Variants in SLAIN1 observed in about 807,000 individuals in gnomAD.
SLAIN1 encodes the protein SLAIN motif-containing protein 1.
Under a neutral mutation model 55.4 loss-of-function variants are expected in SLAIN1, and 17 were observed. The observed-to-expected ratio is 0.31, with a 90% CI of 0.21 to 0.46. The LOEUF (loss-of-function observed/expected upper bound fraction) is 0.46, where lower values mean the gene tolerates loss of function less well. Ranked by LOEUF, SLAIN1 falls within the 20% of genes least tolerant of loss-of-function variation. SLAIN1 has a pLI of 1.00. For synonymous variants in SLAIN1, 348 were observed against 337.4 expected, an observed-to-expected ratio of 1.03 and a Z score of -0.35; for missense variants, 682 against 785.1, an observed-to-expected ratio of 0.87 and a Z score of 1.57.
chr13:77,710,652 A>G (rs896431220), intron 1 of SLAIN1, among the ~76,000 whole-genome samples: 11 of 152,174 alleles, frequency 7.2e-5, no homozygotes. Context: ...GGGAGACTCT[A>G]ACACCCCACT....
chr13:77,756,706 A>G (rs1357100253), intron 5 of SLAIN1, among the ~76,000 whole-genome samples: 3 of 152,164 alleles, frequency 2.0e-5, no homozygotes, highest in Non-Finnish European at 4.4e-5. Context: ...TCACATTTAT[A>G]CAATGGAATA....
chr13:77,744,436 T>C lies in SLAIN1; in HGVS notation c.916+4T>C, dbSNP rs369300141. ...ATGGCTCGTCTGCAAGAAGAAAGTA[T>C]GTGTTCTTTCTAAACTAGCAAAATG... On this transcript the variant is annotated splice_donor_region_variant and intron_variant, in intron 3 of 6. Transcript: ENST00000418532. 45 of 1,610,174 alleles carry C rather than the reference T, an allele frequency of 2.8e-5. No homozygotes were observed. Among genetic ancestry groups the C allele is most frequent in the Non-Finnish European group, 3.6e-5 (42 of 1,179,218 alleles).
At chr13:77,717,329 ATAGGATGTAT>A (rs2091217517) in intron 1 of SLAIN1, among the ~76,000 whole-genome samples, 4 of 152,094 alleles carry the variant, frequency 2.6e-5, no homozygotes, top group African/African-American at 7.2e-5. Context: ...CACTGCCCTA[ATAGGATGTAT>A]TAGGATGTAT....
Position 77,697,907 on chromosome 13 carries a change from G to C in SLAIN1, c.-7G>C. 1 of 1,389,646 alleles carries C rather than the reference G, an allele frequency of 7.2e-7. No homozygotes were observed. The highest frequency in any genetic ancestry group is 2.7e-4 in the Middle Eastern group (1 of 3,704). 86.1% of individuals were successfully genotyped at this position (1,389,646 alleles called of 1,614,324 possible). On this transcript the variant is annotated 5_prime_UTR_variant, in exon 1 of 7. Coordinates refer to ENST00000418532, the MANE Select transcript of SLAIN1 (RefSeq NM_001242868.2). ...CCCCGGCGGCCGCGGCGCCCTCGGG[G>C]CCCACGATGATGGCGGAGCAGGTGA... is the stretch of plus-strand genomic sequence containing the variant.
In SLAIN1 at chr13:77,698,680, A is replaced by G. The variant is rs1450878825; in HGVS notation, c.626+141A>G. 2 of 1,250,882 alleles carry G rather than the reference A, an allele frequency of 1.6e-6. No individual in the cohort carries two copies. The highest frequency in any genetic ancestry group is 2.1e-6 in the Non-Finnish European group (2 of 970,078). The allele number at this position is 1,250,882 out of a possible 1,614,324, so 77.5% of individuals were successfully genotyped here. Reference sequence around the variant, plus strand: ...CGGCTCCCGGAGGGGCCGACCCAGCAGGTGTTGAGCCAGGCGGTGACACTT... The same window carrying G: ...CGGCTCCCGGAGGGGCCGACCCAGCGGGTGTTGAGCCAGGCGGTGACACTT... On this transcript the variant is annotated intron_variant, in intron 1 of 6. Transcript: ENST00000418532. This position sits in a 1 kb window ranked among gnomAD's most constrained non-coding sequence, Gnocchi z 4.1.
rs2154411192 is a variant in SLAIN1, at chr13:77,763,060, T to A, written c.1698-85T>A. ...TTCTCATTACTGCAGTGGAAGAACA[T>A]AGATGGGAGAGTAGGTCAAAGTGAG... is the stretch of plus-strand genomic sequence containing the variant. On this transcript the variant is annotated intron_variant, in intron 6 of 6. Coordinates refer to ENST00000418532, the MANE Select transcript of SLAIN1 (RefSeq NM_001242868.2). The A allele has an allele frequency of 1.8e-5, 21 of 1,148,708 alleles. 1 individual carries two copies. The highest frequency in any genetic ancestry group is 4.3e-4 in the Middle Eastern group (2 of 4,630). 71.2% of individuals were successfully genotyped at this position (1,148,708 alleles called of 1,614,324 possible).
chr13:77,698,763 G>A lies in SLAIN1; in HGVS notation c.626+224G>A, dbSNP rs1166116380. 1.7e-6 allele frequency: 2 copies of A among 1,164,688 alleles called. No homozygotes were observed. The highest frequency in any genetic ancestry group is 2.3e-6 in the Non-Finnish European group (2 of 863,514). The allele number at this position is 1,164,688 out of a possible 1,614,324, so 72.1% of individuals were successfully genotyped here. A position where few individuals can be genotyped will look rare whatever the true frequency, so the allele number is the denominator to read the frequency against. ...CTGTTTTCTAATCGCTCCGACTGCG[G>A]ATGAACCGGCCCCCCCTTCCCCCCA... On this transcript the variant is annotated intron_variant, in intron 1 of 6. Transcript: ENST00000418532. The surrounding 1 kb of genome is among the most constrained non-coding windows in gnomAD (Gnocchi z 4.1).
At chr13:77,715,704 A>G (rs930067225) in intron 1 of SLAIN1, among the ~76,000 whole-genome samples, 2 of 152,166 alleles carry the variant, frequency 1.3e-5, no homozygotes, top group Non-Finnish European at 2.9e-5. Flanking sequence ...ATCTTTTCAT[A>G]TAGCTGTTTG....
intron 2 of SLAIN1, among the ~76,000 whole-genome samples, chr13:77,727,614 T>A (rs1486729989): frequency 6.6e-6 from 1 of 152,114 alleles, no homozygotes; most frequent in African/African-American, 2.4e-5. Flanking sequence ...TGTGACCCTT[T>A]CTGTGCCTGG....
At chr13:77,714,653 C>T (rs973456919) in intron 1 of SLAIN1, among the ~76,000 whole-genome samples, 7 of 152,210 alleles carry the variant, frequency 4.6e-5, no homozygotes, top group African/African-American at 1.7e-4. Flanking sequence ...GATTCCTTAT[C>T]TTGTGACTTT....
intron 2 of SLAIN1, among the ~76,000 whole-genome samples, chr13:77,723,789 C>T (rs565423986): frequency 2.0e-5 from 3 of 152,118 alleles, no homozygotes; most frequent in East Asian, 1.9e-4. Context: ...TCTTTGTATT[C>T]GTAGCCCTCC....
chr13:77,700,966 T>TA (rs552711200), intron 1 of SLAIN1, among the ~76,000 whole-genome samples: 8 of 152,216 alleles, frequency 5.3e-5, no homozygotes, highest in East Asian at 1.9e-4. Context: ...TCCTTCAAGA[T>TA]AAAAAAATAT....
In SLAIN1 at chr13:77,763,568, G is replaced by A. The variant is rs866954745; in HGVS notation, c.*348G>A. ...AAAGTAACTTGTTCAATTTACTCAC[G>A]TGTTCTAAACATCTTTCCATTACAT... On this transcript the variant is annotated 3_prime_UTR_variant, in exon 7 of 7. Transcript: ENST00000418532. 1 of 203,206 alleles carries A rather than the reference G, an allele frequency of 4.9e-6. No individual in the cohort carries two copies. The highest frequency in any genetic ancestry group is 1.0e-5 in the Non-Finnish European group (1 of 99,806). 12.6% of individuals were successfully genotyped at this position (203,206 alleles called of 1,614,324 possible). A position where few individuals can be genotyped will look rare whatever the true frequency, so the allele number is the denominator to read the frequency against.
At chr13:77,736,546 C>G (rs1044313007) in intron 2 of SLAIN1, among the ~76,000 whole-genome samples, 1 of 152,044 alleles carries the variant, frequency 6.6e-6, no homozygotes, top group East Asian at 1.9e-4. Flanking sequence ...TTTTAAACAA[C>G]AACAACAACA....
chr13:77,729,782 A>G (rs1465859447), intron 2 of SLAIN1, among the ~76,000 whole-genome samples: 2 of 152,150 alleles, frequency 1.3e-5, no homozygotes, highest in Non-Finnish European at 2.9e-5. Flanking sequence ...CCTGTCCCAT[A>G]AAAGAAGCAT....
intron 5 of SLAIN1, among the ~76,000 whole-genome samples, chr13:77,755,677 T>C (rs1360120382): frequency 5.9e-5 from 9 of 152,234 alleles, no homozygotes; most frequent in Non-Finnish European, 2.9e-5. Flanking sequence ...GGGTTCATAC[T>C]TAATTGGATA....
intron 5 of SLAIN1, among the ~76,000 whole-genome samples, chr13:77,758,081 C>T (rs1874734052): frequency 1.3e-5 from 2 of 152,020 alleles, no homozygotes; most frequent in Admixed American, 6.6e-5. Flanking sequence ...TTTGCCACAT[C>T]CACACCGAAT....
intron 5 of SLAIN1, among the ~76,000 whole-genome samples, chr13:77,758,023 T>G (rs144164534): frequency 1.3e-5 from 2 of 152,284 alleles, no homozygotes; most frequent in Non-Finnish European, 2.9e-5. Context: ...TTTTCCATAG[T>G]GGGTCTACTA....
chr13:77,741,543 G>A (rs903435428), intron 2 of SLAIN1: 5 of 539,586 alleles, frequency 9.3e-6, no homozygotes, highest in African/African-American at 4.1e-5. Flanking sequence ...TTGTCATTGC[G>A]AATGTGGTTT....
Sources: allele counts gnomAD v4.1 joint callset (sites outside exome capture counted in the v4.1 genomes callset), GRCh38; gene constraint gnomAD v4.1.1; non-coding constraint Gnocchi (gnomAD v3.1); transcripts MANE v1.5; gene names NCBI Gene and HGNC (gene_info 2026-07-23, HGNC 2026-07-21).